Variants in NWD2 observed in about 807,000 individuals in gnomAD.
NWD2 encodes NACHT and WD repeat domain containing 2.
NWD2 carries 37 observed loss-of-function variants against 132.7 expected under a neutral mutation model. The observed-to-expected ratio is 0.28, with a 90% CI of 0.21 to 0.37. The LOEUF (loss-of-function observed/expected upper bound fraction) is 0.37. Ranked by LOEUF, NWD2 falls within the 10% of genes least tolerant of loss-of-function variation. NWD2 has a pLI of 1.00. For synonymous variants in NWD2, 705 were observed against 803.0 expected (o/e 0.88, Z 2.06); for missense variants, 1,592 against 2,122.4 (o/e 0.75, Z 4.91).
chr4:37,403,048 G>T (rs1720927116), intron 3 of NWD2, among the ~76,000 whole-genome samples: 2 of 152,102 alleles, frequency 1.3e-5, no homozygotes, highest in South Asian at 4.1e-4. Context: ...TTTTTGTGGA[G>T]TCACCAAGAA....
Position 37,268,894 on chromosome 4 carries a change from G to A in NWD2, c.151+23676G>A, listed in dbSNP as rs184066638. On this transcript the variant is annotated intron_variant, in intron 1 of 6. Coordinates refer to ENST00000309447, the MANE Select transcript of NWD2 (RefSeq NM_001144990.2). ...TCCCAAACACTCTGCATAGCCCAGCGGCATCTGAAATTATTTAAATATTGC... is the reference window on the plus strand; with the variant it reads ...TCCCAAACACTCTGCATAGCCCAGCAGCATCTGAAATTATTTAAATATTGC... Among the ~76,000 whole-genome samples the A allele has an allele frequency of 1.6e-4, 25 of 151,854 alleles. No individual in the cohort carries two copies. In the East Asian group the frequency reaches 4.1e-3, roughly 25 times the overall value.
At chr4:37,295,075 G>C (rs1017492702) in intron 1 of NWD2, among the ~76,000 whole-genome samples, 1 of 152,138 alleles carries the variant, frequency 6.6e-6, no homozygotes, top group South Asian at 2.1e-4. Context: ...ATAAAATAAG[G>C]TGAACACAGA....
At chr4:37,281,739 A>G (rs1198420711) in intron 1 of NWD2, among the ~76,000 whole-genome samples, 1 of 152,220 alleles carries the variant, frequency 6.6e-6, no homozygotes, top group Non-Finnish European at 1.5e-5. Context: ...ACTTAACGTT[A>G]TTAAGATAAT....
intron 3 of NWD2, among the ~76,000 whole-genome samples, chr4:37,362,862 G>A (rs935201517): frequency 1.3e-5 from 2 of 152,206 alleles, no homozygotes; most frequent in African/African-American, 4.8e-5. Flanking sequence ...ACTATCAGCA[G>A]AGTGAACAGA....
chr4:37,402,496 G>T (rs557018013), intron 3 of NWD2, among the ~76,000 whole-genome samples: 1 of 152,144 alleles, frequency 6.6e-6, no homozygotes, highest in Non-Finnish European at 1.5e-5. Flanking sequence ...AATCACAGAG[G>T]TATTATAGGG....
At chr4:37,273,080 G>T (rs929070320) in intron 1 of NWD2, among the ~76,000 whole-genome samples, 9 of 151,866 alleles carry the variant, frequency 5.9e-5, no homozygotes, top group African/African-American at 2.2e-4. Flanking sequence ...TTGTTTTAAG[G>T]CTGGTCTACT....
At chr4:37,261,415 A>G (rs931542298) in intron 1 of NWD2, among the ~76,000 whole-genome samples, 1 of 152,238 alleles carries the variant, frequency 6.6e-6, no homozygotes, top group Non-Finnish European at 1.5e-5. Flanking sequence ...GGCCGTATTT[A>G]TCATAAACAT....
chr4:37,442,702 A>T (rs187767310), intron 6 of NWD2, among the ~76,000 whole-genome samples: 1 of 152,278 alleles, frequency 6.6e-6, no homozygotes, highest in East Asian at 1.9e-4. Flanking sequence ...ACCCTATAAC[A>T]CCATAAAATT....
intron 3 of NWD2, among the ~76,000 whole-genome samples, chr4:37,430,185 A>G (rs1372324346): frequency 6.6e-6 from 1 of 152,180 alleles, no homozygotes; most frequent in Non-Finnish European, 1.5e-5. Context: ...TTGACAGAGC[A>G]GTTCTTTGGT....
chr4:37,338,399 A>G (rs1348471121), intron 2 of NWD2, among the ~76,000 whole-genome samples: 1 of 152,250 alleles, frequency 6.6e-6, no homozygotes, highest in Non-Finnish European at 1.5e-5. Context: ...GAGGAAACCA[A>G]GTCTTTTTGA....
At chr4:37,247,196 A>T (rs1237733737) in intron 1 of NWD2, among the ~76,000 whole-genome samples, 1 of 152,242 alleles carries the variant, frequency 6.6e-6, no homozygotes, top group East Asian at 1.9e-4. Flanking sequence ...AGCGGATGGC[A>T]TATTAAATAA....
At chr4:37,408,545 A>G (rs1452649847) in intron 3 of NWD2, among the ~76,000 whole-genome samples, 1 of 152,206 alleles carries the variant, frequency 6.6e-6, no homozygotes, top group Non-Finnish European at 1.5e-5. Context: ...CTTGCAGATA[A>G]AACCCCCATC....
At chr4:37,252,161 A>T (rs973173072) in intron 1 of NWD2, among the ~76,000 whole-genome samples, 1 of 152,216 alleles carries the variant, frequency 6.6e-6, no homozygotes, top group Non-Finnish European at 1.5e-5. Flanking sequence ...TGATGATGAG[A>T]TCTCCACAGG....
Position 37,305,727 on chromosome 4 carries a change from T to C in NWD2, c.152-20209T>C, listed in dbSNP as rs1353744131. On this transcript the variant is annotated intron_variant, in intron 1 of 6. Transcript: ENST00000309447. ...TGATGTGCTGTTTGATTTCGTTTGCTAGTATTTTGTTGGGGATTTTGCATC... is the reference window on the plus strand; with the variant it reads ...TGATGTGCTGTTTGATTTCGTTTGCCAGTATTTTGTTGGGGATTTTGCATC... Among the ~76,000 whole-genome samples the C allele has an allele frequency of 2.0e-5, 3 of 152,186 alleles. No individual in the cohort carries two copies. In the East Asian group the frequency reaches 5.8e-4, roughly 29 times the overall value.
intron 3 of NWD2, among the ~76,000 whole-genome samples, chr4:37,379,052 T>C (rs1039763468): frequency 1.3e-4 from 20 of 152,346 alleles, no homozygotes; most frequent in Non-Finnish European, 7.3e-5. Flanking sequence ...AAATCCTTGA[T>C]AATCTGGACT....
chr4:37,257,656 T>C (rs1385456684), intron 1 of NWD2, among the ~76,000 whole-genome samples: 1 of 152,200 alleles, frequency 6.6e-6, no homozygotes, highest in Non-Finnish European at 1.5e-5. Flanking sequence ...TTAAAAAAAC[T>C]ATAGCACAAA....
chr4:37,384,337 G>T (rs113267468), intron 3 of NWD2, among the ~76,000 whole-genome samples: 1 of 152,060 alleles, frequency 6.6e-6, no homozygotes, highest in African/African-American at 2.4e-5. Flanking sequence ...AAGCGTTTGC[G>T]TTCTTCCTTC....
intron 3 of NWD2, among the ~76,000 whole-genome samples, chr4:37,392,548 G>A (rs1383078679): frequency 6.6e-6 from 1 of 152,110 alleles, no homozygotes; most frequent in African/African-American, 2.4e-5. Flanking sequence ...TGTCTCCTGG[G>A]GAGCAAAATT....
At chr4:37,283,121 AT>A in intron 1 of NWD2, among the ~76,000 whole-genome samples, 1 of 152,282 alleles carries the variant, frequency 6.6e-6, no homozygotes, top group African/African-American at 2.4e-5. Flanking sequence ...ACTCACCATG[AT>A]TTCTACTGAA....
Sources: gnomAD v4.1 joint callset for allele counts (sites outside exome capture counted in the v4.1 genomes callset) on GRCh38, gnomAD v4.1.1 for gene constraint, MANE v1.5 for transcripts, NCBI Gene and HGNC (gene_info 2026-07-23, HGNC 2026-07-21) for gene names.